The following POU3F3 variants were observed in gnomAD, a reference collection of about 807,000 sequenced individuals.
The protein encoded by POU3F3 is POU domain, class 3, transcription factor 3.
POU3F3 carries 1 observed loss-of-function variant against 8.6 expected under a neutral mutation model. The observed-to-expected ratio is 0.12, with a 90% CI of 0.04 to 0.55. The LOEUF (loss-of-function observed/expected upper bound fraction) is 0.55, where lower values mean the gene tolerates loss of function less well. Ranked by LOEUF, POU3F3 falls within the 20% of genes least tolerant of loss-of-function variation. POU3F3 has a pLI of 0.91. For synonymous variants in POU3F3, 418 were observed against 327.4 expected, an observed-to-expected ratio of 1.28 and a Z score of -2.99; for missense variants, 577 against 690.7, an observed-to-expected ratio of 0.84 and a Z score of 1.84.
Position 104,855,454 on chromosome 2 carries a change from G to A in POU3F3, c.-57G>A, listed in dbSNP as rs1208905341. 57 of 891,302 alleles carry A rather than the reference G, an allele frequency of 6.4e-5. No individual in the cohort carries two copies. Among genetic ancestry groups the A allele is most frequent in the Non-Finnish European group, 7.3e-5 (55 of 750,968 alleles). The allele number at this position is 891,302 out of a possible 1,614,324, so 55.2% of individuals were successfully genotyped here. A position where few individuals can be genotyped will look rare whatever the true frequency, so the allele number is the denominator to read the frequency against. On this transcript the variant is annotated 5_prime_UTR_variant, in exon 1 of 1. Coordinates refer to ENST00000361360, the MANE Select transcript of POU3F3 (RefSeq NM_006236.3). ...GGCGGCGGCGGCGGCGGCCGCGGCT[G>A]CTGCTGCGGCGGCGGCGGCGGTGGT...
the POU3F3 span, among the ~76,000 whole-genome samples, chr2:104,904,605 C>T: frequency 2.0e-4 from 31 of 151,748 alleles, no homozygotes; most frequent in Non-Finnish European, 4.1e-4. Context: ...ATGTAAGGAA[C>T]ATTTATAGTG....
downstream of POU3F3, among the ~76,000 whole-genome samples, chr2:104,862,255 G>A (rs1179098763): frequency 6.6e-6 from 1 of 152,170 alleles, no homozygotes; most frequent in African/African-American, 2.4e-5. Context: ...TCTTCCTCAA[G>A]GAAGAGTTGG....
chr2:104,906,792 A>T, the POU3F3 span, among the ~76,000 whole-genome samples: 10 of 152,142 alleles, frequency 6.6e-5, no homozygotes, highest in African/African-American at 2.4e-4. Context: ...TCTCTGAATT[A>T]CACCCCATTT....
chr2:104,870,347 C>T, the POU3F3 span, among the ~76,000 whole-genome samples: 1 of 152,214 alleles, frequency 6.6e-6, no homozygotes, highest in East Asian at 1.9e-4. Context: ...GAAGAGGCCA[C>T]CCAGTGCTCA....
the POU3F3 span, among the ~76,000 whole-genome samples, chr2:104,889,561 ACTGAGT>A: frequency 5.9e-5 from 9 of 152,308 alleles, no homozygotes; most frequent in South Asian, 6.2e-4. Flanking sequence ...GGTCAGAGGA[ACTGAGT>A]AACTCAGCCA....
chr2:104,855,822 C>CGCCGCCGCCGCCGCCGCT lies in POU3F3; in HGVS notation c.329_346dup (p.Ala110_Ala115dup). The CGCCGCCGCCGCCGCCGCT allele has an allele frequency of 8.8e-7, 1 of 1,132,058 alleles. No individual in the cohort carries two copies. The highest frequency in any genetic ancestry group is 1.1e-6 in the Non-Finnish European group (1 of 923,728). 70.1% of individuals were successfully genotyped at this position (1,132,058 alleles called of 1,614,324 possible). A position where few individuals can be genotyped will look rare whatever the true frequency, so the allele number is the denominator to read the frequency against. ...AGTGGGTCACAGCCCTGCCCCACGC[C>CGCCGCCGCCGCCGCCGCT]GCCGCCGCCGCCGCCGCTGCCGCCG... On this transcript the variant is annotated inframe_insertion, in exon 1 of 1. Transcript: ENST00000361360.
At chr2:104,912,065 G>A in the POU3F3 span, among the ~76,000 whole-genome samples, 2 of 152,188 alleles carry the variant, frequency 1.3e-5, no homozygotes. Context: ...GCCCAAGCCC[G>A]GAGCCCCACA....
At chr2:104,868,424 T>C in the POU3F3 span, 1 of 452,920 alleles carries the variant, frequency 2.2e-6, no homozygotes, top group Non-Finnish European at 4.5e-6. Context: ...ATGTAAAATA[T>C]AGTCAGTGAC....
the POU3F3 span, among the ~76,000 whole-genome samples, chr2:104,924,084 A>G: frequency 6.6e-6 from 1 of 152,220 alleles, no homozygotes; most frequent in Non-Finnish European, 1.5e-5. Context: ...ATAATTGCAC[A>G]ACATAAATGT....
chr2:104,856,227 G>T lies in POU3F3; in HGVS notation c.717G>T (p.Gly239=). 1 of 1,272,008 alleles carries T rather than the reference G, an allele frequency of 7.9e-7. No individual in the cohort carries two copies. Among genetic ancestry groups the T allele is most frequent in the African/African-American group, 1.6e-5 (1 of 63,798 alleles). The allele number at this position is 1,272,008 out of a possible 1,614,324, so 78.8% of individuals were successfully genotyped here. The change falls in exon 1 of 1, where the codon GGG becomes GGT. Residue 239 remains glycine, a synonymous_variant. Transcript: ENST00000361360. ...TVNGMLSAPP[G]PGGGGGGAGG... Reference sequence around the variant, plus strand: ...ACGGCATGCTGAGCGCGCCACCGGGGCCCGGCGGCGGCGGCGGCGGCGCGG... The same window carrying T: ...ACGGCATGCTGAGCGCGCCACCGGGTCCCGGCGGCGGCGGCGGCGGCGCGG...
At chr2:104,924,512 T>C in the POU3F3 span, among the ~76,000 whole-genome samples, 1 of 152,206 alleles carries the variant, frequency 6.6e-6, no homozygotes, top group African/African-American at 2.4e-5. Context: ...TTTGTTCTCA[T>C]TACTTCGGAT....
chr2:104,859,066 A>T (rs1676625830), downstream of POU3F3, among the ~76,000 whole-genome samples: 1 of 152,024 alleles, frequency 6.6e-6, no homozygotes, highest in Non-Finnish European at 1.5e-5. Context: ...AGTCTTATAA[A>T]ATATTTTGAT....
At chr2:104,871,140 A>C in the POU3F3 span, among the ~76,000 whole-genome samples, 1 of 152,194 alleles carries the variant, frequency 6.6e-6, no homozygotes, top group South Asian at 2.1e-4. Context: ...GAGTAATTGA[A>C]GACAGAAAGC....
the POU3F3 span, among the ~76,000 whole-genome samples, chr2:104,912,891 G>A: frequency 6.6e-6 from 1 of 152,132 alleles, no homozygotes; most frequent in African/African-American, 2.4e-5. Flanking sequence ...GATCAGTCTG[G>A]GTTTGCTTCA....
chr2:104,875,807 C>G, the POU3F3 span, among the ~76,000 whole-genome samples: 1 of 152,154 alleles, frequency 6.6e-6, no homozygotes, highest in Non-Finnish European at 1.5e-5. Context: ...ACCTCTGTCT[C>G]CTGGGTTCAA....
the POU3F3 span, among the ~76,000 whole-genome samples, chr2:104,897,593 C>T: frequency 4.0e-4 from 61 of 152,272 alleles, 2 homozygotes; most frequent in African/African-American, 1.4e-3. Context: ...AGACCCAGGA[C>T]GAACCCCAGC....
At chr2:104,906,806 C>T in the POU3F3 span, among the ~76,000 whole-genome samples, 1 of 152,102 alleles carries the variant, frequency 6.6e-6, no homozygotes, top group African/African-American at 2.4e-5. Flanking sequence ...CCCATTTCTC[C>T]TCCTACTTAT....
At chr2:104,905,102 C>T in the POU3F3 span, among the ~76,000 whole-genome samples, 1 of 152,184 alleles carries the variant, frequency 6.6e-6, no homozygotes, top group Non-Finnish European at 1.5e-5. Context: ...AGCATCTGGA[C>T]ACCTGGAACT....
the POU3F3 span, among the ~76,000 whole-genome samples, chr2:104,874,333 T>C: frequency 6.6e-6 from 1 of 152,170 alleles, no homozygotes; most frequent in South Asian, 2.1e-4. Context: ...CCAGAGGGAC[T>C]GGAGCTTGAG....
Sources: gnomAD v4.1 joint callset for allele counts (sites outside exome capture counted in the v4.1 genomes callset) on GRCh38, gnomAD v4.1.1 for gene constraint, MANE v1.5 for transcripts, NCBI Gene and HGNC (gene_info 2026-07-23, HGNC 2026-07-21) for gene names.